The following INTS10 variants were observed in gnomAD, a reference collection of about 807,000 sequenced individuals.
The protein encoded by INTS10 is chromosome 8 open reading frame 35.
A neutral mutation model predicts 94.4 loss-of-function variants in INTS10; 44 were observed. The observed-to-expected ratio is 0.47, with a 90% confidence interval of 0.37 to 0.60. The LOEUF (loss-of-function observed/expected upper bound fraction) is 0.60. INTS10 is among the 20% of genes least tolerant of loss of function. The pLI is 0.00. For missense variants in INTS10, 797 were observed against 868.7 expected (o/e 0.92, Z 1.04); for synonymous variants, 341 against 320.7 (o/e 1.06, Z -0.68).
chr8:19,828,125 C>A (rs1001709511), intron 9 of INTS10, among the ~76,000 whole-genome samples: 1 of 152,060 alleles, frequency 6.6e-6, no homozygotes, highest in Non-Finnish European at 1.5e-5. Context: ...ATGAGAAGAT[C>A]CCTTGAGCTC....
intron 13 of INTS10, among the ~76,000 whole-genome samples, chr8:19,840,728 GTT>G (rs2068064562): frequency 6.6e-6 from 1 of 151,604 alleles, no homozygotes; most frequent in Admixed American, 6.6e-5. Flanking sequence ...TATGTTTGAA[GTT>G]TTCTATAACA....
chr8:19,845,680 G>A (rs746617428), intron 15 of INTS10, 24 bp from the exon 16 acceptor site: 2 of 1,567,540 alleles, frequency 1.3e-6, no homozygotes, highest in Non-Finnish European at 1.8e-6. Flanking sequence ...TTTTACATGT[G>A]GTTAACCTGA....
In INTS10 at chr8:19,851,797, C is replaced by T. The variant is rs1030935969; in HGVS notation, c.2125C>T (p.Leu709=). ...TGAGAAGATCTTGCTCCTTCAGACTCTGACCTGAGTGGAGACCTTTCCACC... is the reference window on the plus strand; with the variant it reads ...TGAGAAGATCTTGCTCCTTCAGACTTTGACCTGAGTGGAGACCTTTCCACC... ...INEKILLLQT[L]T is the part of the protein sequence containing the mutation. The change falls in exon 17 of 17, where the codon CTG becomes TTG. Residue 709 remains leucine, a synonymous_variant. Coordinates refer to ENST00000397977, the MANE Select transcript of INTS10 (RefSeq NM_018142.4). The surrounding 1 kb of genome is among the most constrained non-coding windows in gnomAD (Gnocchi z 5.0). 2.5e-6 allele frequency: 4 copies of T among 1,614,118 alleles called. No homozygotes were observed. The highest frequency in any genetic ancestry group is 3.4e-6 in the Non-Finnish European group (4 of 1,179,974).
intron 12 of INTS10, among the ~76,000 whole-genome samples, chr8:19,834,375 T>G (rs1290090576): frequency 1.3e-5 from 2 of 152,222 alleles, no homozygotes; most frequent in Non-Finnish European, 2.9e-5. Flanking sequence ...GGAGAATGTG[T>G]AAAGCATTCA....
chr8:19,843,135 G>A lies in INTS10; in HGVS notation c.1719+208G>A, dbSNP rs905366472. Reference sequence around the variant, plus strand: ...CAAAGAGAAGTAGGAAGTTCTCCCCGTCCTCAAAAAGTGTAATAGTGGGAC... The same window carrying A: ...CAAAGAGAAGTAGGAAGTTCTCCCCATCCTCAAAAAGTGTAATAGTGGGAC... On this transcript the variant is annotated intron_variant, in intron 14 of 16. Coordinates refer to ENST00000397977, the MANE Select transcript of INTS10 (RefSeq NM_018142.4). This position sits in a 1 kb window ranked among gnomAD's most constrained non-coding sequence, Gnocchi z 4.7. Among the ~76,000 whole-genome samples the A allele has an allele frequency of 3.9e-5, 6 of 152,124 alleles. No individual in the cohort carries two copies. Among genetic ancestry groups the A allele is most frequent in the African/African-American group, 1.4e-4 (6 of 41,408 alleles).
intron 9 of INTS10, among the ~76,000 whole-genome samples, 173 bp from the exon 10 acceptor site, chr8:19,830,233 A>G (rs1220975159): frequency 3.5e-5 from 3 of 85,016 alleles, no homozygotes; most frequent in Non-Finnish European, 5.6e-5. Context: ...GAGTATAAAG[A>G]CAAAAAAAAA....
rs1019805253 is a variant in INTS10, at chr8:19,817,635, G to A, written c.98G>A (p.Arg33His). The A allele has an allele frequency of 2.6e-5, 41 of 1,606,994 alleles. No individual in the cohort carries two copies. Among genetic ancestry groups the A allele is most frequent in the Non-Finnish European group, 3.4e-5 (40 of 1,177,566 alleles). Residue 33 changes from arginine to histidine, a missense_variant, in exon 1 of 17, where the codon CGC becomes CAC. Physicochemically the swap from Arg to His is conservative, Grantham distance 29. Coordinates refer to ENST00000397977, the MANE Select transcript of INTS10 (RefSeq NM_018142.4). ...GCCAAGGCGTGGCTGATCACGGCCCGCAGCCTCTACCCGGCAGACTTTAAC... is the reference window on the plus strand; with the variant it reads ...GCCAAGGCGTGGCTGATCACGGCCCACAGCCTCTACCCGGCAGACTTTAAC... ...WAAKAWLITARSLYPADFNIQ... is the reference protein window; with the variant it reads ...WAAKAWLITAHSLYPADFNIQ...
rs1395976654 is a variant in INTS10 at position 19,820,288 on chromosome 8, G to A, written c.302-91G>A. 1.2e-4 allele frequency: 149 copies of A among 1,287,638 alleles called. 2 individuals are homozygous for A. The East Asian group carries it at 3.6e-3, about 31-fold the overall frequency. 79.8% of individuals were successfully genotyped at this position (1,287,638 alleles called of 1,614,324 possible). A position where few individuals can be genotyped will look rare whatever the true frequency, so the allele number is the denominator to read the frequency against. On this transcript the variant is annotated intron_variant, in intron 3 of 16. Transcript: ENST00000397977. ...ATTGATTTCACATGTAGTGTTTACT[G>A]TTCTGTACATGAAAATGCCTTACTC...
In INTS10 at chr8:19,823,983, T is replaced by C. The variant is rs752862040; in HGVS notation, c.775T>C (p.Leu259=). ...CCAGATCGTGGACCCTTGGGAGAGG[T>C]TGTTTAAGATTTTGAATGTTGTTGG... The part of the protein sequence containing the change: ...SSQIVDPWER[L]FKILNVVGMR... Residue 259 remains leucine, a synonymous_variant, in exon 7 of 17, where the codon TTG becomes CTG. Transcript: ENST00000397977. 5.0e-6 allele frequency: 8 copies of C among 1,611,986 alleles called. No individual in the cohort carries two copies. In the South Asian group the frequency reaches 8.8e-5, roughly 18 times the overall value.
At chr8:19,825,081 A>T (rs7018076) in intron 8 of INTS10, 109 bp downstream of exon 8, 4 of 900,804 alleles carry the variant, frequency 4.4e-6, no homozygotes, top group Non-Finnish European at 7.0e-6. Context: ...ACTGTGGGGC[A>T]GTACCAGTCC....
intron 12 of INTS10, among the ~76,000 whole-genome samples, chr8:19,835,091 T>G (rs181443182): frequency 1.3e-3 from 197 of 152,200 alleles, no homozygotes; most frequent in Non-Finnish European, 4.4e-4. Flanking sequence ...GTACTGGCCC[T>G]TAGACACAAA....
chr8:19,836,333 T>G (rs1017006628), intron 12 of INTS10, among the ~76,000 whole-genome samples: 1 of 152,038 alleles, frequency 6.6e-6, no homozygotes, highest in African/African-American at 2.4e-5. Flanking sequence ...TAGGAGAATT[T>G]GAGTAGATAG....
chr8:19,848,468 A>G (rs541872770), intron 16 of INTS10, among the ~76,000 whole-genome samples: 1 of 152,328 alleles, frequency 6.6e-6, no homozygotes, highest in South Asian at 2.1e-4. Context: ...GTTGTATTAG[A>G]GTGGATTAAA....
At chr8:19,819,720 T>C in intron 3 of INTS10, 44 bp downstream of exon 3, 2 of 1,391,826 alleles carry the variant, frequency 1.4e-6, no homozygotes, top group Non-Finnish European at 1.0e-6. Context: ...GAATACCAAA[T>C]CATATATAGT....
rs769923952 is a variant in INTS10, at chr8:19,837,133, T to G, written c.1612T>G (p.Ser538Ala). Reference sequence around the variant, plus strand: ...TGGAGGCAAATCCCAGGAGGAACCCTCGAAAGTAAAGCCCAAATTTAGAAA... The same window carrying G: ...TGGAGGCAAATCCCAGGAGGAACCCGCGAAAGTAAAGCCCAAATTTAGAAA... ...QDGGKSQEEP[S>A]KVKPKFRKGS... Residue 538 changes from serine to alanine, a missense_variant, in exon 13 of 17, where the codon TCG becomes GCG. Coordinates refer to ENST00000397977, the MANE Select transcript of INTS10 (RefSeq NM_018142.4). 6.2e-7 allele frequency: 1 copy of G among 1,612,364 alleles called. No individual in the cohort carries two copies. The highest frequency in any genetic ancestry group is 2.2e-5 in the East Asian group (1 of 44,868).
In INTS10 at chr8:19,832,101, CA is replaced by C. The variant is rs1343833381; in HGVS notation, c.1369del (p.Ile457SerfsTer10). ...WLRIFLTDMI[I>X]YQGQYKKAIA... ...TAAGAATCTTCCTCACTGATATGAT[CA>C]TCTATCAGGTAGAGTATTATACATA... is the stretch of plus-strand genomic sequence containing the variant. On this transcript the variant is annotated frameshift_variant, in exon 11 of 17. Transcript: ENST00000397977. LOFTEE classifies it high-confidence loss of function. 1 of 1,555,374 alleles carries C rather than the reference CA, an allele frequency of 6.4e-7. No individual in the cohort carries two copies. Among genetic ancestry groups the C allele is most frequent in the Non-Finnish European group, 8.9e-7 (1 of 1,126,376 alleles).
intron 13 of INTS10, among the ~76,000 whole-genome samples, chr8:19,838,746 G>C (rs922134916): frequency 1.2e-4 from 19 of 152,254 alleles, no homozygotes; most frequent in African/African-American, 4.1e-4. Context: ...ATTATGACCA[G>C]GTATACCAGG....
At chr8:19,826,650 A>C in intron 9 of INTS10, 91 bp downstream of exon 9, 1 of 1,197,698 alleles carries the variant, frequency 8.3e-7, no homozygotes, top group Non-Finnish European at 1.2e-6. Context: ...AGCTAAATCG[A>C]TAAAGCCTGG....
At chr8:19,830,382 A>C in intron 9 of INTS10, 24 bp from the exon 10 acceptor site, 1 of 1,600,338 alleles carries the variant, frequency 6.2e-7, no homozygotes, top group South Asian at 1.1e-5. Flanking sequence ...TGAATTAACC[A>C]TGTTCTCCAC....
Sources: allele counts gnomAD v4.1 joint callset (sites outside exome capture counted in the v4.1 genomes callset), GRCh38; gene constraint gnomAD v4.1.1; non-coding constraint Gnocchi (gnomAD v3.1); transcripts MANE v1.5; gene names NCBI Gene and HGNC (gene_info 2026-07-23, HGNC 2026-07-21).